CDH4: variants seen among roughly 807,000 people sequenced by gnomAD.
CDH4 encodes the protein cadherin-4.
A neutral mutation model predicts 86.0 loss-of-function variants in CDH4; 33 were observed. The ratio of observed to expected loss-of-function variants is 0.38; its 90% CI spans 0.29 to 0.51. The LOEUF (loss-of-function observed/expected upper bound fraction) is 0.51, where lower values mean the gene tolerates loss of function less well. Ranked by LOEUF, CDH4 falls within the 20% of genes least tolerant of loss-of-function variation. The pLI, the probability that CDH4 is intolerant of heterozygous loss-of-function variation, is 0.86. For missense variants in CDH4, 1,114 were observed against 1,307.4 expected (o/e 0.85, Z 2.28); for synonymous variants, 555 against 549.4 (o/e 1.01, Z -0.14).
intron 6 of CDH4, among the ~76,000 whole-genome samples, chr20:61,857,308 T>C (rs1283526424): frequency 6.6e-6 from 1 of 152,100 alleles, no homozygotes; most frequent in African/African-American, 2.4e-5. Context: ...CCGGGCTGCG[T>C]ATGTGACCCT....
chr20:61,735,648 C>T (rs571944769), intron 2 of CDH4, among the ~76,000 whole-genome samples: 60 of 152,356 alleles, frequency 3.9e-4, no homozygotes, highest in East Asian at 3.5e-3. Flanking sequence ...CGCTGGACCC[C>T]GTGCTCCCTG....
chr20:61,908,575 G>A (rs941502165), intron 8 of CDH4, among the ~76,000 whole-genome samples: 1 of 152,234 alleles, frequency 6.6e-6, no homozygotes, highest in Non-Finnish European at 1.5e-5. Flanking sequence ...GGACCTGCCT[G>A]TGGCAGACGC....
chr20:61,339,593 A>G (rs1002123351), intron 2 of CDH4, among the ~76,000 whole-genome samples: 3 of 152,296 alleles, frequency 2.0e-5, no homozygotes, highest in Middle Eastern at 3.4e-3. Context: ...CTCTCTCATA[A>G]TAGATGGAAT....
intron 2 of CDH4, among the ~76,000 whole-genome samples, chr20:61,685,361 C>T (rs574745893): frequency 2.3e-4 from 35 of 152,330 alleles, no homozygotes; most frequent in Non-Finnish European, 3.1e-4. Flanking sequence ...TTGTGTGAAG[C>T]GGGGTGACTG....
intron 4 of CDH4, among the ~76,000 whole-genome samples, chr20:61,813,896 C>A (rs565669025): frequency 6.6e-6 from 1 of 152,320 alleles, no homozygotes; most frequent in African/African-American, 2.4e-5. Flanking sequence ...GTCTCCAGTG[C>A]CCCTGGGAGC....
intron 2 of CDH4, among the ~76,000 whole-genome samples, chr20:61,535,901 G>A (rs777976133): frequency 2.6e-5 from 4 of 152,178 alleles, no homozygotes. Context: ...ACGCCCTTTG[G>A]GTTTCAAGGT....
chr20:61,872,253 G>A (rs1304914593), intron 6 of CDH4, among the ~76,000 whole-genome samples: 1 of 152,094 alleles, frequency 6.6e-6, no homozygotes, highest in Non-Finnish European at 1.5e-5. Context: ...TCCCACAGAG[G>A]ACATAGACAA....
intron 2 of CDH4, among the ~76,000 whole-genome samples, chr20:61,292,368 C>T (rs1277601625): frequency 2.0e-5 from 3 of 152,320 alleles, no homozygotes; most frequent in South Asian, 4.1e-4. Flanking sequence ...GGATGTGAAA[C>T]GCATCCACCC....
intron 4 of CDH4, among the ~76,000 whole-genome samples, chr20:61,804,703 A>T (rs1568825637): frequency 6.6e-6 from 1 of 152,162 alleles, no homozygotes; most frequent in East Asian, 1.9e-4. Context: ...GTAGCCTCAG[A>T]AGTGCAGGGA....
At chr20:61,699,583 T>C (rs897897893) in intron 2 of CDH4, among the ~76,000 whole-genome samples, 1 of 152,202 alleles carries the variant, frequency 6.6e-6, no homozygotes, top group African/African-American at 2.4e-5. Context: ...CTCACACAGC[T>C]TCCTGCCAAG....
chr20:61,431,025 C>T (rs564947539), intron 2 of CDH4, among the ~76,000 whole-genome samples: 3 of 152,306 alleles, frequency 2.0e-5, no homozygotes, highest in Non-Finnish European at 2.9e-5. Context: ...CCATCAGCCT[C>T]GATCCAGAGA....
At chr20:61,347,511 A>G (rs1220538307) in intron 2 of CDH4, among the ~76,000 whole-genome samples, 1 of 152,232 alleles carries the variant, frequency 6.6e-6, no homozygotes, top group Non-Finnish European at 1.5e-5. Flanking sequence ...ACTAAATATA[A>G]ATATGTATGA....
chr20:61,366,671 G>A (rs545101026), intron 2 of CDH4, among the ~76,000 whole-genome samples: 137 of 152,344 alleles, frequency 9.0e-4, no homozygotes, highest in African/African-American at 3.1e-3. Flanking sequence ...GGCACAGATC[G>A]CTCATGCAAT....
In CDH4 at chr20:61,514,406, G is replaced by A. The variant is rs538334117; in HGVS notation, c.170-229157G>A. On this transcript the variant is annotated intron_variant, in intron 2 of 15. Coordinates refer to ENST00000614565, the MANE Select transcript of CDH4 (RefSeq NM_001794.5). ...CCAGGTTTCTGAAAAACAGTTCAGG[G>A]ATGTAGATCAAGATGTTATCTTGGG... is the stretch of plus-strand genomic sequence containing the variant. 3.1e-3 allele frequency among the ~76,000 whole-genome samples: 467 copies of A among 150,588 alleles called. 1 individual carries two copies. The highest frequency in any genetic ancestry group is 4.8e-3 in the Non-Finnish European group (328 of 67,826).
chr20:61,488,734 T>G (rs764419255), intron 2 of CDH4, among the ~76,000 whole-genome samples: 1 of 152,216 alleles, frequency 6.6e-6, no homozygotes. Flanking sequence ...ATAATGTTTT[T>G]AGAACTAAGC....
At chr20:61,690,088 C>T (rs1268689853) in intron 2 of CDH4, among the ~76,000 whole-genome samples, 6 of 141,372 alleles carry the variant, frequency 4.2e-5, no homozygotes, top group Non-Finnish European at 6.0e-5. Flanking sequence ...GATGTGGATT[C>T]TGACAGGGAC....
Position 61,645,239 on chromosome 20 carries a change from G to A in CDH4, c.170-98324G>A, listed in dbSNP as rs139626541. ...CTTTTGGAACAGTGGATAAGAGACA[G>A]CCAAGTCTAGAATTCCAGCTTTGCC... On this transcript the variant is annotated intron_variant, in intron 2 of 15. Transcript: ENST00000614565. Among the ~76,000 whole-genome samples, 49 of 152,342 alleles carry A rather than the reference G, an allele frequency of 3.2e-4. No homozygotes were observed. The East Asian group carries it at 8.9e-3, about 28-fold the overall frequency.
chr20:61,788,027 A>T (rs938867092), intron 4 of CDH4, among the ~76,000 whole-genome samples: 1 of 152,130 alleles, frequency 6.6e-6, no homozygotes, highest in East Asian at 1.9e-4. Flanking sequence ...GCATAAATTG[A>T]TTTACCAAGA....
In CDH4 at chr20:61,910,564, G is replaced by T. The variant is rs762951312; in HGVS notation, c.1331G>T (p.Arg444Leu). The T allele has an allele frequency of 6.2e-7, 1 of 1,613,868 alleles. No homozygotes were observed. The highest frequency in any genetic ancestry group is 8.5e-7 in the Non-Finnish European group (1 of 1,180,012). The change falls in exon 9 of 16, where the codon CGC becomes CTC. Residue 444 changes from arginine to leucine, a missense_variant. Coordinates refer to ENST00000614565, the MANE Select transcript of CDH4 (RefSeq NM_001794.5). The part of the protein sequence containing the change: ...SGDPSGHFSV[R>L]TDPVTNEGMV... The stretch of plus-strand genomic sequence containing the variant: ...GATCCATCCGGGCACTTCAGCGTCC[G>T]CACAGACCCCGTAACCAACGAGGGC...
Sources: gnomAD v4.1 joint callset for allele counts (sites outside exome capture counted in the v4.1 genomes callset) on GRCh38, gnomAD v4.1.1 for gene constraint, MANE v1.5 for transcripts, NCBI Gene and HGNC (gene_info 2026-07-23, HGNC 2026-07-21) for gene names.